ZER1: variants seen among roughly 807,000 people sequenced by gnomAD.
ZER1 encodes the protein protein zer-1 homolog.
Under a neutral mutation model 78.8 loss-of-function variants are expected in ZER1, and 11 were observed. The observed-to-expected ratio is 0.14, with a 90% confidence interval of 0.09 to 0.23. The LOEUF (loss-of-function observed/expected upper bound fraction) is 0.23, where lower values mean the gene tolerates loss of function less well. Among genes scored for constraint, ZER1 ranks in the 10% least tolerant of loss-of-function variants. The pLI, the probability that ZER1 is intolerant of heterozygous loss-of-function variation, is 1.00. For synonymous variants in ZER1, 400 were observed against 407.0 expected (o/e 0.98, Z 0.21); for missense variants, 588 against 996.9 (o/e 0.59, Z 5.52).
chr9:128,769,848 T>C (rs958095476), intron 1 of ZER1, among the ~76,000 whole-genome samples: 1 of 152,328 alleles, frequency 6.6e-6, no homozygotes, highest in Admixed American at 6.5e-5. Flanking sequence ...GTTCCATCAA[T>C]GGTCATTACA....
In ZER1 at chr9:128,732,027, T is replaced by TG. The variant is rs1425520999; in HGVS notation, c.2244-634dup. On this transcript the variant is annotated intron_variant, in intron 15 of 15. Coordinates refer to ENST00000291900, the MANE Select transcript of ZER1 (RefSeq NM_006336.4). This position sits in a 1 kb window ranked among gnomAD's most constrained non-coding sequence, Gnocchi z 4.8. ...CCCATTCAACACCAAGCCTGTGGTT[T>TG]GGGGGCTTCACTGCAGCCTCTGTGT... 6.6e-6 allele frequency among the ~76,000 whole-genome samples: 1 copy of TG among 152,254 alleles called. No homozygotes were observed. Among genetic ancestry groups the TG allele is most frequent in the Non-Finnish European group, 1.5e-5 (1 of 68,048 alleles).
intron 1 of ZER1, among the ~76,000 whole-genome samples, chr9:128,771,320 AG>A (rs1864375937): frequency 6.6e-6 from 1 of 152,356 alleles, no homozygotes; most frequent in East Asian, 1.9e-4. Flanking sequence ...GGAGGGGCAG[AG>A]GGTGGCCCTT....
In ZER1 at chr9:128,733,478, T is replaced by C. The variant is rs1015546053; in HGVS notation, c.2191A>G (p.Arg731Gly). 6.2e-7 allele frequency: 1 copy of C among 1,613,854 alleles called. No homozygotes were observed. Among genetic ancestry groups the C allele is most frequent in the Non-Finnish European group, 8.5e-7 (1 of 1,179,950 alleles). Residue 731 changes from arginine (R) to glycine (G), a missense_variant, in exon 15 of 16, where the codon AGG becomes GGG. Around this residue, in one of 3 missense-constraint regions of ZER1, gnomAD observed 122 missense variants for 173.5 expected, o/e 0.70. Coordinates refer to ENST00000291900, the MANE Select transcript of ZER1 (RefSeq NM_006336.4). ...GCGGTCGCCATCTTAATTATGTCCCTCAGAAGGGGCATCCCCCCTTCTTTG... is the reference window on the plus strand; with the variant it reads ...GCGGTCGCCATCTTAATTATGTCCCCCAGAAGGGGCATCCCCCCTTCTTTG... ...LIKEGGMPLL[R>G]DIIKMATARQ...
At chr9:128,759,531 C>T (rs1469497872) in intron 1 of ZER1, among the ~76,000 whole-genome samples, 1 of 151,914 alleles carries the variant, frequency 6.6e-6, no homozygotes, top group African/African-American at 2.4e-5. Context: ...CATGGTGGCT[C>T]ACGCCTGTAA....
chr9:128,745,451 C>G (rs1176670178), intron 8 of ZER1, among the ~76,000 whole-genome samples: 4 of 151,206 alleles, frequency 2.6e-5, no homozygotes, highest in Admixed American at 2.6e-4. Flanking sequence ...AACCACCTTC[C>G]AGTGCAAGCG....
intron 5 of ZER1, 70 bp downstream of exon 5, chr9:128,752,603 G>T: frequency 6.7e-7 from 1 of 1,491,648 alleles, no homozygotes; most frequent in Non-Finnish European, 9.0e-7. Context: ...TTACAGGCGT[G>T]AGCCACTGCG....
chr9:128,737,274 C>T (rs1032811116), intron 13 of ZER1, among the ~76,000 whole-genome samples: 2 of 151,984 alleles, frequency 1.3e-5, no homozygotes, highest in Non-Finnish European at 2.9e-5. Flanking sequence ...TGTGAGCCAC[C>T]GCATCCGGCC....
At chr9:128,735,912 A>G (rs1164454003) in intron 13 of ZER1, among the ~76,000 whole-genome samples, 2 of 149,096 alleles carry the variant, frequency 1.3e-5, no homozygotes, top group Non-Finnish European at 1.5e-5. Flanking sequence ...TGAGTAACTG[A>G]GACTACAGGG....
chr9:128,767,033 C>CGGCTCA (rs1226930748), intron 1 of ZER1, among the ~76,000 whole-genome samples: 14 of 151,294 alleles, frequency 9.3e-5, no homozygotes, highest in African/African-American at 3.1e-4. Flanking sequence ...GCCTCTGCCT[C>CGGCTCA]CTGGGTTCAG....
At chr9:128,760,034 C>T (rs746242582) in intron 1 of ZER1, among the ~76,000 whole-genome samples, 1 of 151,356 alleles carries the variant, frequency 6.6e-6, no homozygotes, top group Non-Finnish European at 1.5e-5. Flanking sequence ...CATGTGCCAC[C>T]ACGCCCAGTA....
chr9:128,763,785 C>T (rs918597840), intron 1 of ZER1, among the ~76,000 whole-genome samples: 50 of 152,210 alleles, frequency 3.3e-4, no homozygotes, highest in African/African-American at 1.2e-3. Flanking sequence ...GTCAGGAGTT[C>T]GAGACCAGCC....
At chr9:128,772,421 C>T (rs1337377049), upstream of ZER1, 1 of 152,322 alleles carries the variant, frequency 6.6e-6, no homozygotes, top group Non-Finnish European at 1.5e-5. Flanking sequence ...ACCTCGGCCC[C>T]TACATTTTCC....
chr9:128,736,439 G>A (rs1436979830), intron 13 of ZER1, among the ~76,000 whole-genome samples: 1 of 150,334 alleles, frequency 6.7e-6, no homozygotes, highest in Admixed American at 6.6e-5. Flanking sequence ...TGTCGCCCAG[G>A]CTGGAGTTCA....
intron 8 of ZER1, among the ~76,000 whole-genome samples, chr9:128,748,076 G>A (rs112475120): frequency 2.0e-5 from 3 of 152,112 alleles, no homozygotes; most frequent in African/African-American, 7.2e-5. Context: ...GCGAGACCCC[G>A]TCACCACATA....
chr9:128,736,540 C>G (rs1863088390), intron 13 of ZER1, among the ~76,000 whole-genome samples: 1 of 151,310 alleles, frequency 6.6e-6, no homozygotes, highest in Non-Finnish European at 1.5e-5. Context: ...ACTACAGGTG[C>G]ATGCCACCAT....
Position 128,771,655 on chromosome 9 carries a change from C to A in ZER1, c.-169G>T, listed in dbSNP as rs1399710474. On this transcript the variant is annotated 5_prime_UTR_variant, in exon 1 of 16. Coordinates refer to ENST00000291900, the MANE Select transcript of ZER1 (RefSeq NM_006336.4). ...GGCGAGGAGGAGCAGAGAATGCAGC[C>A]CGGGAGAATCCGGGGCCAGAGCACC... The A allele has an allele frequency of 6.6e-6, 1 of 152,472 alleles. No individual in the cohort carries two copies. The highest frequency in any genetic ancestry group is 2.4e-5 in the African/African-American group (1 of 41,454). The allele number at this position is 152,472 out of a possible 1,614,324, so 9.4% of individuals were successfully genotyped here.
chr9:128,768,294 G>T (rs149645358), intron 1 of ZER1, among the ~76,000 whole-genome samples: 88 of 152,286 alleles, frequency 5.8e-4, no homozygotes, highest in African/African-American at 2.1e-3. Flanking sequence ...CAGTCTTCCA[G>T]CTAGTGGGCC....
intron 1 of ZER1, among the ~76,000 whole-genome samples, chr9:128,756,576 T>C (rs1355286139): frequency 6.6e-6 from 1 of 152,210 alleles, no homozygotes; most frequent in Non-Finnish European, 1.5e-5. Flanking sequence ...TCATAAAAAG[T>C]AGTGATCCAT....
At chr9:128,759,194 G>A (rs1182691357) in intron 1 of ZER1, among the ~76,000 whole-genome samples, 4 of 149,760 alleles carry the variant, frequency 2.7e-5, no homozygotes, top group South Asian at 2.1e-4. Context: ...CTTTTGAGAC[G>A]GAGTCTAACC....
Sources: gnomAD v4.1 joint callset for allele counts (sites outside exome capture counted in the v4.1 genomes callset) on GRCh38, gnomAD v4.1.1 for gene constraint, gnomAD v4.1.1 regional missense constraint, Gnocchi (gnomAD v3.1) non-coding constraint, MANE v1.5 for transcripts, NCBI Gene and HGNC (gene_info 2026-07-23, HGNC 2026-07-21) for gene names.